The following CNTNAP2 variants were observed in gnomAD, a reference collection of about 807,000 sequenced individuals.
CNTNAP2 encodes contactin associated protein 2.
In CNTNAP2, 98 loss-of-function variants were observed where a neutral mutation model predicts 155.2. The ratio of observed to expected loss-of-function variants is 0.63; its 90% CI spans 0.54 to 0.75. The LOEUF (loss-of-function observed/expected upper bound fraction) is 0.75. Ranked by LOEUF, CNTNAP2 falls within the 30% of genes least tolerant of loss-of-function variation. CNTNAP2 has a pLI of 0.00. For missense variants in CNTNAP2, 1,727 were observed against 1,688.1 expected (o/e 1.02, Z -0.40); for synonymous variants, 651 against 631.2 (o/e 1.03, Z -0.47).
At chr7:146,195,356 A>G (rs1798760351) in intron 1 of CNTNAP2, among the ~76,000 whole-genome samples, 1 of 152,200 alleles carries the variant, frequency 6.6e-6, no homozygotes, top group Admixed American at 6.5e-5. Context: ...CAGAAAGAAA[A>G]TGAGAAGAGG....
intron 18 of CNTNAP2, among the ~76,000 whole-genome samples, chr7:148,192,480 T>A (rs1795214279): frequency 6.6e-6 from 1 of 151,898 alleles, no homozygotes; most frequent in East Asian, 1.9e-4. Flanking sequence ...AAAGTAATTT[T>A]TTCCCCTCCC....
intron 3 of CNTNAP2, among the ~76,000 whole-genome samples, chr7:147,035,257 G>A (rs749655922): frequency 6.6e-6 from 1 of 152,186 alleles, no homozygotes; most frequent in Non-Finnish European, 1.5e-5. Flanking sequence ...GAGACTCCAG[G>A]GGAAGAGGCC....
chr7:146,790,671 G>A (rs1446499544), intron 2 of CNTNAP2, among the ~76,000 whole-genome samples: 2 of 151,102 alleles, frequency 1.3e-5, no homozygotes, highest in Non-Finnish European at 2.9e-5. Flanking sequence ...CCGGGTTCAC[G>A]CCATTCTCCT....
At chr7:146,581,878 T>A (rs1281494053) in intron 1 of CNTNAP2, among the ~76,000 whole-genome samples, 1 of 152,114 alleles carries the variant, frequency 6.6e-6, no homozygotes, top group Non-Finnish European at 1.5e-5. Flanking sequence ...ATGCTTTTTT[T>A]TCTTATTGCC....
At chr7:146,535,845 A>G (rs546521649) in intron 1 of CNTNAP2, among the ~76,000 whole-genome samples, 2 of 152,158 alleles carry the variant, frequency 1.3e-5, no homozygotes, top group South Asian at 4.1e-4. Flanking sequence ...AAAACGGTTC[A>G]TCTCACATTG....
At chr7:146,915,140 C>G (rs990404777) in intron 3 of CNTNAP2, among the ~76,000 whole-genome samples, 2 of 151,636 alleles carry the variant, frequency 1.3e-5, no homozygotes, top group Non-Finnish European at 3.0e-5. Context: ...GTATTTGGCT[C>G]TATTTATGGG....
intron 3 of CNTNAP2, among the ~76,000 whole-genome samples, chr7:147,042,455 C>T (rs1008899742): frequency 1.3e-5 from 2 of 152,088 alleles, no homozygotes; most frequent in Non-Finnish European, 2.9e-5. Flanking sequence ...CCGGGGAATG[C>T]GGGTTGGATA....
intron 1 of CNTNAP2, among the ~76,000 whole-genome samples, chr7:146,592,171 C>A (rs1798793269): frequency 6.6e-6 from 1 of 152,198 alleles, no homozygotes; most frequent in African/African-American, 2.4e-5. Flanking sequence ...GATGGAAAAT[C>A]TCTGTGGCTT....
At chr7:148,222,636 C>G (rs1434352746) in intron 19 of CNTNAP2, among the ~76,000 whole-genome samples, 1 of 152,112 alleles carries the variant, frequency 6.6e-6, no homozygotes. Flanking sequence ...GGGCTCACCT[C>G]TCAATATACC....
At chr7:148,040,060 T>G (rs2527055) in intron 15 of CNTNAP2, among the ~76,000 whole-genome samples, 2 of 151,988 alleles carry the variant, frequency 1.3e-5, no homozygotes, top group Non-Finnish European at 2.9e-5. Context: ...AACTTGTTAG[T>G]TTTGGCTTCA....
At chr7:146,205,335 A>G (rs1308456904) in intron 1 of CNTNAP2, among the ~76,000 whole-genome samples, 1 of 151,976 alleles carries the variant, frequency 6.6e-6, no homozygotes, top group African/African-American at 2.4e-5. Flanking sequence ...GCTGAGCAGA[A>G]CCACTTCAGA....
At chr7:146,232,494 A>T (rs922943378) in intron 1 of CNTNAP2, among the ~76,000 whole-genome samples, 3 of 152,106 alleles carry the variant, frequency 2.0e-5, no homozygotes, top group African/African-American at 7.2e-5. Flanking sequence ...TGGCCTAAAA[A>T]AATCTTTGAG....
At chr7:146,566,451 A>G in intron 1 of CNTNAP2, among the ~76,000 whole-genome samples, 1 of 152,194 alleles carries the variant, frequency 6.6e-6, no homozygotes, top group South Asian at 2.1e-4. Context: ...CTAAAAAAGT[A>G]GAATATTTAC....
chr7:147,713,921 G>A (rs1350305025), intron 13 of CNTNAP2, among the ~76,000 whole-genome samples: 1 of 152,030 alleles, frequency 6.6e-6, no homozygotes, highest in East Asian at 1.9e-4. Context: ...CATAGTACTA[G>A]CAAAGTACTA....
Position 147,273,393 on chromosome 7 carries a change from G to T in CNTNAP2, c.1349-26748G>T, listed in dbSNP as rs1804806560. Among the ~76,000 whole-genome samples the T allele has an allele frequency of 2.0e-5, 3 of 152,036 alleles. No individual in the cohort carries two copies. In the South Asian group the frequency reaches 6.2e-4, roughly 32 times the overall value. ...TTTATTTTAGATTCAGAGGGTACAT[G>T]TGCAGGCTTGTTACCTGGATATATT... On this transcript the variant is annotated intron_variant, in intron 8 of 23. Coordinates refer to ENST00000361727, the MANE Select transcript of CNTNAP2 (RefSeq NM_014141.6).
chr7:146,955,784 A>C (rs1413288299), intron 3 of CNTNAP2, among the ~76,000 whole-genome samples: 1 of 152,008 alleles, frequency 6.6e-6, no homozygotes, highest in Non-Finnish European at 1.5e-5. Flanking sequence ...TTGATTTTTT[A>C]ATTAGCAGTT....
intron 3 of CNTNAP2, among the ~76,000 whole-genome samples, chr7:147,006,914 A>G (rs1798536579): frequency 6.6e-6 from 1 of 152,114 alleles, no homozygotes; most frequent in Non-Finnish European, 1.5e-5. Flanking sequence ...GTACATGCTG[A>G]AAGCCGAGTC....
rs537120103 is a variant in CNTNAP2, at chr7:147,612,407, T to C, written c.1898-26699T>C. 9.3e-5 allele frequency among the ~76,000 whole-genome samples: 14 copies of C among 151,150 alleles called. No homozygotes were observed. The South Asian group carries it at 2.9e-3, about 32-fold the overall frequency. On this transcript the variant is annotated intron_variant, in intron 12 of 23. Coordinates refer to ENST00000361727, the MANE Select transcript of CNTNAP2 (RefSeq NM_014141.6). ...AGCTTATGTAATTTTCTTTCTTTTT[T>C]TTTTTTTTTTTCTGAGACGGAGTCT... is the stretch of plus-strand genomic sequence containing the variant.
At chr7:147,458,455 T>C (rs1180360263) in intron 10 of CNTNAP2, among the ~76,000 whole-genome samples, 2 of 152,168 alleles carry the variant, frequency 1.3e-5, no homozygotes, top group African/African-American at 4.8e-5. Context: ...CTCTAACTTA[T>C]GAACTTGTTG....
Sources: allele counts gnomAD v4.1 joint callset (sites outside exome capture counted in the v4.1 genomes callset), GRCh38; gene constraint gnomAD v4.1.1; transcripts MANE v1.5; gene names NCBI Gene and HGNC (gene_info 2026-07-23, HGNC 2026-07-21).